Variants in METTL15 observed in about 807,000 individuals in gnomAD.
METTL15 encodes 12S rRNA N(4)-cytidine methyltransferase METTL15.
A neutral mutation model predicts 38.3 loss-of-function variants in METTL15; 34 were observed. That is an observed-to-expected ratio of 0.89 (90% CI 0.68 to 1.18). The LOEUF is 1.18. Among genes scored for constraint, METTL15 ranks in the 50% most tolerant of loss-of-function variants. The probability of loss-of-function intolerance (pLI) is 0.00; values close to 1 mark genes in which losing one functional copy is unlikely to be tolerated. For synonymous variants in METTL15, 162 were observed against 170.9 expected (o/e 0.95, Z 0.41); for missense variants, 438 against 498.4 (o/e 0.88, Z 1.15).
chr11:28,125,923 G>A (rs1350144932), intron 3 of METTL15: 1 of 152,062 alleles, frequency 6.6e-6, no homozygotes, highest in Non-Finnish European at 1.5e-5. Context: ...GGAATTCTAA[G>A]TGACTTAATT....
chr11:28,392,324 G>C (rs1303401966), intron 5 of METTL15, among the ~76,000 whole-genome samples: 1 of 152,046 alleles, frequency 6.6e-6, no homozygotes, highest in Non-Finnish European at 1.5e-5. Flanking sequence ...TCAAACTCCT[G>C]ATTTCAAAAC....
intron 6 of METTL15, among the ~76,000 whole-genome samples, chr11:28,447,244 C>G (rs936174592): frequency 6.6e-6 from 1 of 151,974 alleles, no homozygotes; most frequent in Non-Finnish European, 1.5e-5. Context: ...ATGTAATTCT[C>G]TCATGAGATT....
At chr11:28,225,782 T>C (rs982793312) in intron 4 of METTL15, among the ~76,000 whole-genome samples, 6 of 152,026 alleles carry the variant, frequency 3.9e-5, no homozygotes, top group African/African-American at 1.4e-4. Flanking sequence ...TAGTAACCTC[T>C]CTACCCTTAT....
chr11:28,425,823 G>A (rs1850858768), intron 6 of METTL15, among the ~76,000 whole-genome samples: 1 of 152,148 alleles, frequency 6.6e-6, no homozygotes, highest in Non-Finnish European at 1.5e-5. Context: ...AATATTTTTT[G>A]TATAAAATTG....
At chr11:28,282,718 G>A (rs938289015) in intron 4 of METTL15, among the ~76,000 whole-genome samples, 3 of 152,028 alleles carry the variant, frequency 2.0e-5, no homozygotes, top group Non-Finnish European at 4.4e-5. Flanking sequence ...GAAAAACTTG[G>A]GCTAACCTGC....
chr11:28,113,573 T>C lies in METTL15; in HGVS notation c.239T>C (p.Val80Ala), dbSNP rs937295130. The C allele has an allele frequency of 6.2e-7, 1 of 1,611,318 alleles. No homozygotes were observed. The highest frequency in any genetic ancestry group is 8.5e-7 in the Non-Finnish European group (1 of 1,178,858). ...KLHIPVMVDE[V>A]VHCLSPQKGQ... Reference sequence around the variant, plus strand: ...CATATTCCAGTAATGGTGGATGAAGTTGTTCATTGTTTGTCACCACAAAAA... The same window carrying C: ...CATATTCCAGTAATGGTGGATGAAGCTGTTCATTGTTTGTCACCACAAAAA... The change falls in exon 3 of 7, where the codon GTT becomes GCT. Residue 80 changes from valine (V) to alanine (A), a missense_variant. Val to Ala is a moderately conservative substitution (Grantham distance 64, BLOSUM62 0). Coordinates refer to ENST00000407364, the MANE Select transcript of METTL15 (RefSeq NM_001113528.2).
intron 6 of METTL15, among the ~76,000 whole-genome samples, chr11:28,497,659 GGGC>G (rs1851546885): frequency 6.6e-6 from 1 of 152,186 alleles, no homozygotes; most frequent in Non-Finnish European, 1.5e-5. Flanking sequence ...TGCCTAATGA[GGGC>G]TTGGTGCCTG....
At chr11:28,511,800 C>T (rs1360818829) in intron 6 of METTL15, among the ~76,000 whole-genome samples, 1 of 152,168 alleles carries the variant, frequency 6.6e-6, no homozygotes, top group African/African-American at 2.4e-5. Context: ...AAGAACAAAG[C>T]TTCCACAGTG....
At chr11:28,472,748 G>A (rs1396960052) in intron 6 of METTL15, among the ~76,000 whole-genome samples, 1 of 151,904 alleles carries the variant, frequency 6.6e-6, no homozygotes, top group Admixed American at 6.6e-5. Context: ...TAAATAGGAG[G>A]GAAAACAAAA....
At chr11:28,134,277 G>T (rs1252411693) in intron 3 of METTL15, among the ~76,000 whole-genome samples, 5 of 152,114 alleles carry the variant, frequency 3.3e-5, no homozygotes, top group Non-Finnish European at 4.4e-5. Context: ...GCAGGTTGCC[G>T]GTTGCCCACT....
chr11:28,149,460 C>G (rs1161577418), intron 3 of METTL15, among the ~76,000 whole-genome samples: 1 of 151,952 alleles, frequency 6.6e-6, no homozygotes, highest in East Asian at 1.9e-4. Context: ...GCCATTCTTG[C>G]AGTTTGCATT....
intron 4 of METTL15, among the ~76,000 whole-genome samples, chr11:28,237,730 G>T (rs563430594): frequency 6.6e-6 from 1 of 152,226 alleles, no homozygotes; most frequent in African/African-American, 2.4e-5. Flanking sequence ...CATCTTTGGT[G>T]GTTTTATCTA....
intron 3 of METTL15, among the ~76,000 whole-genome samples, chr11:28,175,637 A>T (rs1851044829): frequency 6.6e-6 from 1 of 152,162 alleles, no homozygotes; most frequent in African/African-American, 2.4e-5. Context: ...ATCTCAGTAA[A>T]TGGTATGAGC....
At chr11:28,320,115 A>C (rs746764134) in intron 6 of METTL15, among the ~76,000 whole-genome samples, 1 of 152,044 alleles carries the variant, frequency 6.6e-6, no homozygotes, top group Non-Finnish European at 1.5e-5. Context: ...GTGGGTAATA[A>C]ATTTTTTTAG....
intron 6 of METTL15, among the ~76,000 whole-genome samples, chr11:28,439,642 A>C (rs567840288): frequency 6.6e-6 from 1 of 152,264 alleles, no homozygotes; most frequent in South Asian, 2.1e-4. Context: ...GTACTAAATA[A>C]TCCTACTAAC....
At chr11:28,364,641 G>C (rs1695031254) in intron 5 of METTL15, among the ~76,000 whole-genome samples, 1 of 152,158 alleles carries the variant, frequency 6.6e-6, no homozygotes, top group African/African-American at 2.4e-5. Flanking sequence ...GGGTATTTTG[G>C]CTTATTCTAT....
chr11:28,210,685 C>G (rs1469976432), intron 3 of METTL15, among the ~76,000 whole-genome samples: 1 of 151,922 alleles, frequency 6.6e-6, no homozygotes, highest in South Asian at 2.1e-4. Flanking sequence ...ATGAGCCACA[C>G]TAATTGTAAG....
chr11:28,369,373 G>A (rs756554705), intron 5 of METTL15, among the ~76,000 whole-genome samples: 8 of 151,976 alleles, frequency 5.3e-5, no homozygotes, highest in African/African-American at 4.8e-5. Context: ...AGAATAGTGA[G>A]CTTATGTGAG....
intron 3 of METTL15, among the ~76,000 whole-genome samples, chr11:28,130,466 A>G (rs1852715355): frequency 6.6e-6 from 1 of 152,200 alleles, no homozygotes; most frequent in African/African-American, 2.4e-5. Context: ...AATAAGTGTT[A>G]TAAGAAAGGC....
Sources: allele counts gnomAD v4.1 joint callset (sites outside exome capture counted in the v4.1 genomes callset), GRCh38; gene constraint gnomAD v4.1.1; transcripts MANE v1.5; gene names NCBI Gene and HGNC (gene_info 2026-07-23, HGNC 2026-07-21).